The following UTP6 variants were observed in gnomAD, a reference collection of about 807,000 sequenced individuals.
UTP6 encodes U3 small nucleolar RNA-associated protein 6 homolog.
Under a neutral mutation model 96.5 loss-of-function variants are expected in UTP6, and 60 were observed. The observed-to-expected ratio is 0.62, with a 90% CI of 0.51 to 0.77. The LOEUF is 0.77. Ranked by LOEUF, UTP6 falls within the 30% of genes least tolerant of loss-of-function variation. The pLI is 0.00. For missense variants in UTP6, 637 were observed against 706.5 expected (o/e 0.90, Z 1.12); for synonymous variants, 215 against 240.1 (o/e 0.90, Z 0.96).
At chr17:31,882,424 G>C (rs747152548) in intron 10 of UTP6, among the ~76,000 whole-genome samples, 1 of 151,744 alleles carries the variant, frequency 6.6e-6, no homozygotes, top group African/African-American at 2.4e-5. Flanking sequence ...AGGTTCAAGC[G>C]ATTCTCCTGC....
intron 11 of UTP6, among the ~76,000 whole-genome samples, chr17:31,879,156 G>A (rs1013353915): frequency 2.0e-5 from 3 of 152,162 alleles, no homozygotes; most frequent in African/African-American, 7.2e-5. Flanking sequence ...TTGGGAGGCT[G>A]AGGCAGGCTG....
Position 31,895,256 on chromosome 17 carries a change from A to G in UTP6, c.178-245T>C, listed in dbSNP as rs146631971. 3.6e-3 allele frequency among the ~76,000 whole-genome samples: 547 copies of G among 152,374 alleles called. 7 individuals carry two copies. The highest frequency in any genetic ancestry group is 0.013 in the African/African-American group (523 of 41,594). ...AAAAATTATTCCATGAAATATTTCA[A>G]GCATATAAAACACCCCATGCAGCTA... On this transcript the variant is annotated intron_variant, in intron 2 of 18. Transcript: ENST00000261708.
intron 7 of UTP6, chr17:31,887,643 C>T: frequency 5.2e-5 from 9 of 171,896 alleles, no homozygotes; most frequent in South Asian, 3.3e-4. Flanking sequence ...TGAGCCACCA[C>T]ACCCAGGCTT....
At chr17:31,901,245 C>T (rs866751782) in intron 1 of UTP6, 1 of 413,374 alleles carries the variant, frequency 2.4e-6, no homozygotes, top group Non-Finnish European at 4.5e-6. Flanking sequence ...CCCCACCACA[C>T]TCTGCCCAAT....
chr17:31,890,937 A>G lies in UTP6; in HGVS notation c.424+1323T>C, dbSNP rs200625513. On this transcript the variant is annotated intron_variant, in intron 6 of 18. Coordinates refer to ENST00000261708, the MANE Select transcript of UTP6 (RefSeq NM_018428.3). ...AGGAGACAGAGGTTGCAGTGAGCTG[A>G]TATCACACCACTGCACTCCAGCCTG... is the stretch of plus-strand genomic sequence containing the variant. Among the ~76,000 whole-genome samples the G allele has an allele frequency of 9.1e-4, 139 of 152,216 alleles. 1 individual carries two copies. The East Asian group carries it at 0.021, about 22-fold the overall frequency.
intron 18 of UTP6, among the ~76,000 whole-genome samples, chr17:31,864,555 G>C (rs1047279946): frequency 6.6e-6 from 1 of 152,166 alleles, no homozygotes; most frequent in Non-Finnish European, 1.5e-5. Context: ...CCCCTTTCAT[G>C]TAACTCTAAA....
At chr17:31,864,037 A>C (rs1237300030) in intron 18 of UTP6, among the ~76,000 whole-genome samples, 1 of 151,880 alleles carries the variant, frequency 6.6e-6, no homozygotes, top group African/African-American at 2.4e-5. Context: ...TTTTCCCAGT[A>C]GAAAACCTTC....
intron 9 of UTP6, chr17:31,884,772 G>A (rs1911056295): frequency 3.0e-6 from 1 of 331,358 alleles, no homozygotes; most frequent in Non-Finnish European, 5.6e-6. Flanking sequence ...AACTTACTGA[G>A]GATTGGTGCA....
rs1231519361 is a variant in UTP6, at chr17:31,892,810, T to C, written c.313-16A>G. ...GAACATCGTCCTGCAAGAAAAGCAA[T>C]GTAGTAAGCTGCCCAAATTTGACCT... On this transcript the variant is annotated splice_polypyrimidine_tract_variant and intron_variant, in intron 4 of 18. Coordinates refer to ENST00000261708, the MANE Select transcript of UTP6 (RefSeq NM_018428.3). 1.1e-5 allele frequency: 17 copies of C among 1,613,856 alleles called. No individual in the cohort carries two copies. Among genetic ancestry groups the C allele is most frequent in the Non-Finnish European group, 1.4e-5 (17 of 1,179,990 alleles).
At chr17:31,870,655 G>A (rs1266620360) in intron 16 of UTP6, among the ~76,000 whole-genome samples, 1 of 151,564 alleles carries the variant, frequency 6.6e-6, no homozygotes, top group East Asian at 1.9e-4. Flanking sequence ...CCAGGTAGCT[G>A]GGACTACAGG....
chr17:31,879,408 G>T (rs889809568), intron 11 of UTP6, among the ~76,000 whole-genome samples: 4 of 150,448 alleles, frequency 2.7e-5, no homozygotes, highest in Non-Finnish European at 5.9e-5. Context: ...AATTAAGGAT[G>T]TCGGTAATCC....
intron 10 of UTP6, among the ~76,000 whole-genome samples, chr17:31,881,131 G>A (rs981654131): frequency 6.6e-6 from 1 of 151,102 alleles, no homozygotes; most frequent in Non-Finnish European, 1.5e-5. Flanking sequence ...AGTCGAGATC[G>A]CATCACTCCA....
At chr17:31,873,138 T>C (rs1329054876) in intron 16 of UTP6, 9 of 373,686 alleles carry the variant, frequency 2.4e-5, no homozygotes, top group South Asian at 2.1e-4. Context: ...CCTGTAATCC[T>C]AGCTACTCGG....
chr17:31,878,917 G>A (rs1340979107), intron 11 of UTP6, 136 bp from the exon 12 acceptor site: 7 of 747,308 alleles, frequency 9.4e-6, no homozygotes, highest in Non-Finnish European at 1.5e-5. Flanking sequence ...CTGAAGAAGA[G>A]TTTAAATCAG....
intron 17 of UTP6, among the ~76,000 whole-genome samples, chr17:31,866,177 C>T (rs1909801302): frequency 6.6e-6 from 1 of 150,844 alleles, no homozygotes; most frequent in Admixed American, 6.6e-5. Context: ...GTCCCAGCTA[C>T]TCAGGAGGCT....
In UTP6 at chr17:31,884,421, TA is replaced by T; in HGVS notation, c.785+2del. The T allele has an allele frequency of 6.2e-7, 1 of 1,605,546 alleles. No individual in the cohort carries two copies. Among genetic ancestry groups the T allele is most frequent in the South Asian group, 1.1e-5 (1 of 89,570 alleles). On this transcript the variant is annotated splice_donor_variant, in intron 10 of 18. Coordinates refer to ENST00000261708, the MANE Select transcript of UTP6 (RefSeq NM_018428.3). LOFTEE classifies it high-confidence loss of function. Reference sequence around the variant, plus strand: ...TATTCACCTTTCTACTAACTTTACTTACTCATCATAAATCTCTTTTTGTAGA... The same window carrying T: ...TATTCACCTTTCTACTAACTTTACTTCTCATCATAAATCTCTTTTTGTAGA...
At chr17:31,878,864 A>C (rs1191073874) in intron 11 of UTP6, 83 bp from the exon 12 acceptor site, 1 of 1,324,116 alleles carries the variant, frequency 7.6e-7, no homozygotes, top group African/African-American at 1.5e-5. Flanking sequence ...ATAAGGAAAA[A>C]AACAGTCATC....
At chr17:31,894,914 A>C in intron 3 of UTP6, 56 bp downstream of exon 3, 1 of 1,454,878 alleles carries the variant, frequency 6.9e-7, no homozygotes, top group Non-Finnish European at 9.6e-7. Flanking sequence ...CTAACTATAC[A>C]GCCATACTGC....
At chr17:31,899,577 AGAGT>A (rs1904846687) in intron 2 of UTP6, 65 bp downstream of exon 2, 1 of 1,173,570 alleles carries the variant, frequency 8.5e-7, no homozygotes, top group East Asian at 2.6e-5. Flanking sequence ...CCTGGGTGAC[AGAGT>A]GAGATGCCAT....
Sources: allele counts gnomAD v4.1 joint callset (sites outside exome capture counted in the v4.1 genomes callset), GRCh38; gene constraint gnomAD v4.1.1; transcripts MANE v1.5; gene names NCBI Gene and HGNC (gene_info 2026-07-23, HGNC 2026-07-21).